PKP4: variants seen among roughly 807,000 people sequenced by gnomAD.
PKP4 encodes plakophilin-4.
In PKP4, 90 loss-of-function variants were observed where a neutral mutation model predicts 145.1. The observed-to-expected ratio is 0.62, with a 90% CI of 0.52 to 0.74. The LOEUF (loss-of-function observed/expected upper bound fraction) is 0.74, where lower values mean the gene tolerates loss of function less well. Among genes scored for constraint, PKP4 ranks in the 30% least tolerant of loss-of-function variants. The pLI is 0.00. For synonymous variants in PKP4, 563 were observed against 577.2 expected (o/e 0.98, Z 0.35); for missense variants, 1,340 against 1,482.7 (o/e 0.90, Z 1.58).
chr2:158,630,409 T>C (rs1420432607), intron 7 of PKP4, among the ~76,000 whole-genome samples: 1 of 152,230 alleles, frequency 6.6e-6, no homozygotes, highest in African/African-American at 2.4e-5. Context: ...AACAAGAATC[T>C]GGTATGTGAG....
intron 1 of PKP4, among the ~76,000 whole-genome samples, chr2:158,472,272 C>G (rs899995502): frequency 5.3e-5 from 8 of 149,582 alleles, no homozygotes; most frequent in African/African-American, 2.0e-4. Context: ...TAAATACATA[C>G]AATTTTATCT....
intron 1 of PKP4, among the ~76,000 whole-genome samples, chr2:158,504,760 C>G (rs1260818499): frequency 6.6e-6 from 1 of 152,074 alleles, no homozygotes; most frequent in Non-Finnish European, 1.5e-5. Context: ...CTTGCAAATT[C>G]ACAGGAATTT....
chr2:158,616,893 C>T (rs369279990), intron 4 of PKP4, among the ~76,000 whole-genome samples: 73 of 152,060 alleles, frequency 4.8e-4, no homozygotes, highest in African/African-American at 1.6e-3. Context: ...TTAAAGAGGC[C>T]TTAGACTCTT....
chr2:158,633,488 C>T (rs2105916920), intron 8 of PKP4, among the ~76,000 whole-genome samples: 1 of 152,320 alleles, frequency 6.6e-6, no homozygotes, highest in East Asian at 1.9e-4. Context: ...AGCTGAATGG[C>T]ACAGATTTCA....
rs562543531 is a variant in PKP4 at position 158,533,290 on chromosome 2, A to G, written c.106A>G (p.Thr36Ala). 3.7e-6 allele frequency: 6 copies of G among 1,614,222 alleles called. No homozygotes were observed. Among genetic ancestry groups the G allele is most frequent in the East Asian group, 2.2e-5 (1 of 44,892 alleles). ...PGMEPETTAT[T>A]ILASVKEQEL... ...CATGGAACCCGAGACCACAGCCACC[A>G]CTATTCTAGCATCCGTGAAGGAGCA... Residue 36 changes from threonine (T) to alanine (A), a missense_variant, in exon 2 of 22, where the codon ACT becomes GCT. Transcript: ENST00000389759.
Position 158,457,102 on chromosome 2 carries a change from G to A in PKP4, c.-122G>A, listed in dbSNP as rs1294305640. ...GCGGGGGCCGGTGGGGGAGGGAGGGGCGGGCAGCCGCGCCGCCGCGGCACT... is the reference window on the plus strand; with the variant it reads ...GCGGGGGCCGGTGGGGGAGGGAGGGACGGGCAGCCGCGCCGCCGCGGCACT... On this transcript the variant is annotated 5_prime_UTR_variant, in exon 1 of 22. Transcript: ENST00000389759. The A allele has an allele frequency of 1.3e-5, 2 of 149,870 alleles. No homozygotes were observed. The highest frequency in any genetic ancestry group is 4.9e-5 in the African/African-American group (2 of 40,870). The allele number at this position is 149,870 out of a possible 1,614,324, so 9.3% of individuals were successfully genotyped here.
At chr2:158,636,593 T>G (rs2053829414) in intron 9 of PKP4, among the ~76,000 whole-genome samples, 1 of 152,192 alleles carries the variant, frequency 6.6e-6, no homozygotes, top group African/African-American at 2.4e-5. Flanking sequence ...ATTAATTCTT[T>G]AAGTTTTTTT....
intron 7 of PKP4, among the ~76,000 whole-genome samples, chr2:158,628,099 G>A (rs1281088820): frequency 2.0e-5 from 3 of 151,848 alleles, no homozygotes; most frequent in Non-Finnish European, 2.9e-5. Flanking sequence ...TTCTGCCTCA[G>A]CCTCCCGAGT....
At chr2:158,492,938 CCCTA>C (rs1695160142) in intron 1 of PKP4, among the ~76,000 whole-genome samples, 2 of 151,976 alleles carry the variant, frequency 1.3e-5, no homozygotes, top group South Asian at 4.2e-4. Context: ...TTTATTTCCT[CCCTA>C]CCTAATAATA....
intron 2 of PKP4, among the ~76,000 whole-genome samples, chr2:158,559,617 T>C (rs921200261): frequency 6.6e-6 from 1 of 152,150 alleles, no homozygotes; most frequent in South Asian, 2.1e-4. Flanking sequence ...AAGACAGTTA[T>C]GGAAGTAAGC....
intron 2 of PKP4, among the ~76,000 whole-genome samples, chr2:158,570,717 C>T (rs1312709531): frequency 2.0e-5 from 3 of 152,006 alleles, no homozygotes; most frequent in Admixed American, 2.0e-4. Context: ...CGCAGATAAA[C>T]ATTTCTAAAA....
chr2:158,499,551 C>T (rs1454998457), intron 1 of PKP4, among the ~76,000 whole-genome samples: 1 of 152,142 alleles, frequency 6.6e-6, no homozygotes, highest in African/African-American at 2.4e-5. Context: ...GATCAGAGTA[C>T]TGATAATCCT....
chr2:158,484,673 G>C (rs557757276), intron 1 of PKP4, among the ~76,000 whole-genome samples: 1 of 152,218 alleles, frequency 6.6e-6, no homozygotes, highest in East Asian at 1.9e-4. Flanking sequence ...ATGACAATCA[G>C]CCTTTATACC....
intron 1 of PKP4, among the ~76,000 whole-genome samples, chr2:158,520,732 C>G (rs934351007): frequency 2.0e-5 from 3 of 152,236 alleles, no homozygotes; most frequent in African/African-American, 7.2e-5. Context: ...GAGGTAGCCA[C>G]TCCTCTGACT....
intron 1 of PKP4, among the ~76,000 whole-genome samples, chr2:158,494,752 C>G (rs929488061): frequency 1.3e-5 from 2 of 152,052 alleles, no homozygotes; most frequent in Admixed American, 1.3e-4. Context: ...TTTGCTTGCT[C>G]TTTAACTTTG....
At chr2:158,580,475 G>A (rs1477637839) in intron 3 of PKP4, among the ~76,000 whole-genome samples, 2 of 152,196 alleles carry the variant, frequency 1.3e-5, no homozygotes, top group Admixed American at 1.3e-4. Context: ...CAGTGTCTAG[G>A]ATATGTCCTA....
intron 3 of PKP4, among the ~76,000 whole-genome samples, chr2:158,587,978 T>A (rs1393857765): frequency 6.6e-6 from 1 of 152,044 alleles, no homozygotes; most frequent in East Asian, 1.9e-4. Flanking sequence ...ATTGTACACC[T>A]TGATTTTTTC....
intron 2 of PKP4, among the ~76,000 whole-genome samples, chr2:158,538,213 T>G (rs903905030): frequency 6.6e-6 from 1 of 152,206 alleles, no homozygotes; most frequent in Non-Finnish European, 1.5e-5. Context: ...TGGGTCAGAA[T>G]GCTCACTCAC....
intron 17 of PKP4, among the ~76,000 whole-genome samples, chr2:158,673,091 C>G (rs1483255994): frequency 6.6e-6 from 1 of 152,112 alleles, no homozygotes; most frequent in Non-Finnish European, 1.5e-5. Context: ...TCCAGTGACT[C>G]GGAATCCAGT....
Sources: gnomAD v4.1 joint callset for allele counts (sites outside exome capture counted in the v4.1 genomes callset) on GRCh38, gnomAD v4.1.1 for gene constraint, MANE v1.5 for transcripts, NCBI Gene and HGNC (gene_info 2026-07-23, HGNC 2026-07-21) for gene names.